Variants in CCDC178 observed in about 807,000 individuals in gnomAD.
The protein encoded by CCDC178 is coiled-coil domain-containing protein 178.
Under a neutral mutation model 117.4 loss-of-function variants are expected in CCDC178, and 126 were observed. That is an observed-to-expected ratio of 1.07 (90% CI 0.93 to 1.24). The LOEUF (loss-of-function observed/expected upper bound fraction) is 1.24, where lower values mean the gene tolerates loss of function less well. CCDC178 is among the 50% of genes most tolerant of loss of function. CCDC178 has a pLI of 0.00. For missense variants in CCDC178, 1,030 were observed against 986.9 expected, an observed-to-expected ratio of 1.04 and a Z score of -0.59; for synonymous variants, 283 against 313.4, an observed-to-expected ratio of 0.90 and a Z score of 1.02.
chr18:33,356,480 G>C, intron 6 of CCDC178, 134 bp from the exon 7 acceptor site: 1 of 948,668 alleles, frequency 1.1e-6, no homozygotes, highest in Non-Finnish European at 1.4e-6. Flanking sequence ...TTATACTCTC[G>C]GTTGTATAAA....
intron 4 of CCDC178, among the ~76,000 whole-genome samples, chr18:33,396,377 G>A (rs1415075339): frequency 6.6e-6 from 1 of 152,026 alleles, no homozygotes; most frequent in Non-Finnish European, 1.5e-5. Context: ...AATTACTTTG[G>A]AAAATAATTT....
intron 21 of CCDC178, among the ~76,000 whole-genome samples, chr18:32,976,602 T>C (rs1316335291): frequency 6.6e-6 from 1 of 152,146 alleles, no homozygotes; most frequent in East Asian, 1.9e-4. Context: ...TAAACATTAA[T>C]AGCAGAAAAA....
intron 21 of CCDC178, among the ~76,000 whole-genome samples, chr18:33,091,059 C>T (rs2057453920): frequency 1.3e-5 from 2 of 152,084 alleles, no homozygotes; most frequent in Admixed American, 6.6e-5. Flanking sequence ...CTGCAGATAA[C>T]TGCACATATA....
At chr18:33,301,379 A>G (rs575837411) in intron 11 of CCDC178, among the ~76,000 whole-genome samples, 6 of 152,358 alleles carry the variant, frequency 3.9e-5, no homozygotes, top group Non-Finnish European at 8.8e-5. Flanking sequence ...ATGGCAGAGG[A>G]AAATATGGGG....
chr18:33,350,000 T>A, intron 7 of CCDC178, among the ~76,000 whole-genome samples: 1 of 151,932 alleles, frequency 6.6e-6, no homozygotes, highest in Non-Finnish European at 1.5e-5. Flanking sequence ...CTCTGTCAAT[T>A]CCAAGGTCAG....
intron 21 of CCDC178, among the ~76,000 whole-genome samples, chr18:33,028,006 C>T (rs2056262186): frequency 6.6e-6 from 1 of 151,638 alleles, no homozygotes; most frequent in African/African-American, 2.4e-5. Flanking sequence ...TTTTACAATG[C>T]AGTTAAAACA....
chr18:33,409,829 G>A (rs773378195), intron 3 of CCDC178, among the ~76,000 whole-genome samples: 14 of 152,098 alleles, frequency 9.2e-5, no homozygotes, highest in Non-Finnish European at 1.8e-4. Flanking sequence ...TTTCAAATAT[G>A]GCTTTTAATG....
chr18:33,268,027 C>A (rs987926983), intron 12 of CCDC178, among the ~76,000 whole-genome samples: 1 of 151,516 alleles, frequency 6.6e-6, no homozygotes, highest in African/African-American at 2.4e-5. Flanking sequence ...AATCCTAAAT[C>A]AAGTTTCACA....
intron 21 of CCDC178, among the ~76,000 whole-genome samples, chr18:33,024,151 G>T (rs1487683224): frequency 3.3e-5 from 5 of 152,168 alleles, no homozygotes; most frequent in African/African-American, 1.2e-4. Flanking sequence ...TTTCACTGGA[G>T]AATTCTACAA....
At chr18:33,197,823 CT>C (rs1269712782) in intron 20 of CCDC178, among the ~76,000 whole-genome samples, 3 of 152,056 alleles carry the variant, frequency 2.0e-5, no homozygotes, top group Non-Finnish European at 2.9e-5. Flanking sequence ...CATTCATTGT[CT>C]TTTTCCATAA....
chr18:33,283,602 G>T lies in CCDC178; in HGVS notation c.1176+9557C>A, dbSNP rs1410770235. On this transcript the variant is annotated intron_variant, in intron 12 of 22. Coordinates refer to ENST00000383096, the MANE Select transcript of CCDC178 (RefSeq NM_001105528.4). ...TAACCCCATTAAAAAGTGGGCAAAG[G>T]ACAAGAGCAAACACTTTTTAAAAGC... 2.0e-5 allele frequency among the ~76,000 whole-genome samples: 3 copies of T among 151,874 alleles called. No individual in the cohort carries two copies. In the East Asian group the frequency reaches 5.8e-4, roughly 29 times the overall value.
intron 22 of CCDC178, among the ~76,000 whole-genome samples, chr18:32,940,658 G>T (rs375790006): frequency 1.3e-5 from 2 of 151,632 alleles, no homozygotes; most frequent in South Asian, 2.1e-4. Context: ...TATTTTTCCC[G>T]CTCCTCTCCC....
intron 21 of CCDC178, among the ~76,000 whole-genome samples, chr18:33,044,317 T>G (rs1244088326): frequency 6.6e-6 from 1 of 152,040 alleles, no homozygotes; most frequent in Non-Finnish European, 1.5e-5. Flanking sequence ...ATGACGATAC[T>G]GCCCAAAACA....
At chr18:33,286,550 A>G (rs1045041031) in intron 12 of CCDC178, among the ~76,000 whole-genome samples, 1 of 152,202 alleles carries the variant, frequency 6.6e-6, no homozygotes, top group African/African-American at 2.4e-5. Context: ...GTATGAATCA[A>G]AAGGCATATT....
intron 10 of CCDC178, among the ~76,000 whole-genome samples, chr18:33,331,916 TC>T (rs2062674680): frequency 6.6e-6 from 1 of 152,206 alleles, no homozygotes; most frequent in Non-Finnish European, 1.5e-5. Flanking sequence ...AGGAAGGTAT[TC>T]ATGTGTGATT....
chr18:33,337,986 G>A (rs2062764163), intron 9 of CCDC178, among the ~76,000 whole-genome samples: 1 of 152,148 alleles, frequency 6.6e-6, no homozygotes, highest in South Asian at 2.1e-4. Context: ...CAGAGTGGGA[G>A]AAAATTTTGA....
intron 7 of CCDC178, among the ~76,000 whole-genome samples, chr18:33,354,509 T>C (rs1273098594): frequency 6.6e-6 from 1 of 152,122 alleles, no homozygotes; most frequent in Admixed American, 6.6e-5. Context: ...CTCTATTAAC[T>C]TATCATCAAA....
At chr18:33,074,787 A>G (rs746924714) in intron 21 of CCDC178, among the ~76,000 whole-genome samples, 4 of 152,226 alleles carry the variant, frequency 2.6e-5, no homozygotes, top group Non-Finnish European at 5.9e-5. Context: ...GACAAATGGT[A>G]CTTCAAAGAA....
intron 21 of CCDC178, among the ~76,000 whole-genome samples, chr18:33,062,805 C>T (rs2056945850): frequency 6.6e-6 from 1 of 152,136 alleles, no homozygotes; most frequent in Admixed American, 6.5e-5. Context: ...TGAGGCCACA[C>T]AGTCCCTTAT....
Sources: gnomAD v4.1 joint callset for allele counts (sites outside exome capture counted in the v4.1 genomes callset) on GRCh38, gnomAD v4.1.1 for gene constraint, MANE v1.5 for transcripts, NCBI Gene and HGNC (gene_info 2026-07-23, HGNC 2026-07-21) for gene names.